The following NFASC variants were observed in gnomAD, a reference collection of about 807,000 sequenced individuals.
The protein encoded by NFASC is neurofascin, also known as neurofascin homolog.
Under a neutral mutation model 147.5 loss-of-function variants are expected in NFASC, and 43 were observed. The ratio of observed to expected loss-of-function variants is 0.29; its 90% confidence interval spans 0.23 to 0.38. The LOEUF is 0.38. Among genes scored for constraint, NFASC ranks in the 10% least tolerant of loss-of-function variants. NFASC has a pLI of 1.00. For missense variants in NFASC, 1,320 were observed against 1,689.0 expected (o/e 0.78, Z 3.83); for synonymous variants, 622 against 665.5 (o/e 0.93, Z 1.01).
At chr1:204,958,779 G>C (rs575052357) in intron 8 of NFASC, among the ~76,000 whole-genome samples, 64 of 152,300 alleles carry the variant, frequency 4.2e-4, no homozygotes, top group African/African-American at 5.8e-4. Flanking sequence ...AGTTTGCAAA[G>C]GTCAGAAAAA....
chr1:205,008,601 CT>C (rs199639043), intron 27 of NFASC: 2 of 151,536 alleles, frequency 1.3e-5, no homozygotes, highest in East Asian at 1.9e-4. Context: ...CACACCCCCC[CT>C]CCCAAACCCA....
intron 2 of NFASC, among the ~76,000 whole-genome samples, chr1:204,938,727 T>TAAAG (rs2093094667): frequency 6.6e-6 from 1 of 152,206 alleles, no homozygotes; most frequent in Non-Finnish European, 1.5e-5. Context: ...CTTGCAGATT[T>TAAAG]AAAGGCCTTG....
Position 204,987,650 on chromosome 1 carries a change from G to A in NFASC, c.2593+110G>A, listed in dbSNP as rs2095643463. The A allele has an allele frequency of 4.6e-5, 60 of 1,302,216 alleles. No individual in the cohort carries two copies. Among genetic ancestry groups the A allele is most frequent in the Non-Finnish European group, 6.5e-5 (60 of 920,974 alleles). 80.7% of individuals were successfully genotyped at this position (1,302,216 alleles called of 1,614,324 possible). On this transcript the variant is annotated intron_variant, in intron 22 of 29. Coordinates refer to ENST00000339876, the MANE Select transcript of NFASC (RefSeq NM_001005388.3). The surrounding 1 kb of genome is among the most constrained non-coding windows in gnomAD (Gnocchi z 4.4). ...AAAGCCTGTGGGTGCAGATGGCATT[G>A]TGGAGGGATGGAGGGGCCAACGAAA...
chr1:204,855,780 A>G (rs188866026), intron 1 of NFASC, among the ~76,000 whole-genome samples: 5 of 152,332 alleles, frequency 3.3e-5, no homozygotes, highest in Non-Finnish European at 5.9e-5. Flanking sequence ...TTTTAGACCC[A>G]GAATCCCTGC....
intron 2 of NFASC, among the ~76,000 whole-genome samples, chr1:204,940,343 C>T (rs760002195): frequency 1.3e-5 from 2 of 152,152 alleles, no homozygotes; most frequent in African/African-American, 2.4e-5. Context: ...ATCCCAGCTA[C>T]TTGGAAGGCT....
rs776251502 is a variant in NFASC, at chr1:204,975,325, C to T, written c.1613C>T (p.Thr538Met). ...GACCAGGTGGCCAGAAGGGGCACCA[C>T]GGTGCAGCTGGAGTGTCGGGTGAAG... ...PEDQVARRGT[T>M]VQLECRVKHD... The change falls in exon 15 of 30, where the codon ACG becomes ATG. Residue 538 changes from threonine (T) to methionine (M), a missense_variant. Around this residue, in one of 3 missense-constraint regions of NFASC, gnomAD observed 981 missense variants for 1,289.5 expected, o/e 0.76. Transcript: ENST00000339876. This position sits in a 1 kb window ranked among gnomAD's most constrained non-coding sequence, Gnocchi z 4.0. 3.5e-5 allele frequency: 56 copies of T among 1,613,886 alleles called. No homozygotes were observed. The highest frequency in any genetic ancestry group is 1.3e-5 in the African/African-American group (1 of 74,910).
Position 204,988,906 on chromosome 1 carries a change from A to C in NFASC, c.2767+100A>C, listed in dbSNP as rs902985594. 26 of 1,176,152 alleles carry C rather than the reference A, an allele frequency of 2.2e-5. No individual in the cohort carries two copies. In the African/African-American group the frequency reaches 3.0e-4, roughly 14 times the overall value. 72.9% of individuals were successfully genotyped at this position (1,176,152 alleles called of 1,614,324 possible). A position where few individuals can be genotyped will look rare whatever the true frequency, so the allele number is the denominator to read the frequency against. ...TAGCTGGCTGCCTGGGATGGAGAGG[A>C]AATGAGACTTGCAAGTCCTCAAGCC... On this transcript the variant is annotated intron_variant, in intron 23 of 29. Coordinates refer to ENST00000339876, the MANE Select transcript of NFASC (RefSeq NM_001005388.3).
intron 1 of NFASC, among the ~76,000 whole-genome samples, chr1:204,880,300 G>T (rs1401391929): frequency 2.0e-5 from 3 of 152,274 alleles, no homozygotes; most frequent in South Asian, 4.2e-4. Flanking sequence ...AAAAAGAAGT[G>T]TAGCAATTGG....
rs1487947949 is a variant in NFASC, at chr1:205,021,949, C to G, written c.*5410C>G. The stretch of plus-strand genomic sequence containing the variant: ...TGGTGTCTCTTGCTTTGTAACACAT[C>G]GGGCCTTCAGTGTGCTGTATTCCTC... On this transcript the variant is annotated 3_prime_UTR_variant, in exon 30 of 30. Coordinates refer to ENST00000339876, the MANE Select transcript of NFASC (RefSeq NM_001005388.3). 1 of 152,660 alleles carries G rather than the reference C, an allele frequency of 6.6e-6. No individual in the cohort carries two copies. The highest frequency in any genetic ancestry group is 6.5e-5 in the Admixed American group (1 of 15,276). The allele number at this position is 152,660 out of a possible 1,614,324, so 9.5% of individuals were successfully genotyped here.
chr1:205,003,333 G>T (rs535496398), intron 27 of NFASC, among the ~76,000 whole-genome samples: 1 of 152,346 alleles, frequency 6.6e-6, no homozygotes, highest in South Asian at 2.1e-4. Context: ...CATGCAGGGA[G>T]AGGGGAAGAA....
chr1:205,014,067 G>C (rs944877588), intron 29 of NFASC, among the ~76,000 whole-genome samples: 3 of 152,188 alleles, frequency 2.0e-5, no homozygotes, highest in Non-Finnish European at 4.4e-5. Flanking sequence ...TGTTCCAAAA[G>C]CCACAGGGCT....
At chr1:204,953,396 A>G (rs1490736204) in intron 5 of NFASC, among the ~76,000 whole-genome samples, 5 of 152,128 alleles carry the variant, frequency 3.3e-5, no homozygotes, top group Non-Finnish European at 7.4e-5. Flanking sequence ...TCCCGGGTTC[A>G]TGCCATTCTC....
At chr1:204,911,311 A>G (rs922530103) in intron 1 of NFASC, among the ~76,000 whole-genome samples, 1 of 152,190 alleles carries the variant, frequency 6.6e-6, no homozygotes, top group Non-Finnish European at 1.5e-5. Context: ...ATGGCGTATA[A>G]TTCTTTTTAT....
At chr1:204,904,506 A>G (rs1050090237) in intron 1 of NFASC, among the ~76,000 whole-genome samples, 16 of 152,170 alleles carry the variant, frequency 1.1e-4, no homozygotes, top group Non-Finnish European at 2.2e-4. Context: ...TCTGTTCTTA[A>G]CTTTCCCTCA....
In NFASC at chr1:205,012,877, TC is replaced by T; in HGVS notation, c.3491+14del. 6.3e-7 allele frequency: 1 copy of T among 1,598,818 alleles called. No homozygotes were observed. Among genetic ancestry groups the T allele is most frequent in the Non-Finnish European group, 8.6e-7 (1 of 1,166,126 alleles). ...CTCATTTGACTATAGGTGCGTGATC[TC>T]CCTCCTCCTCTCTCAGGCAGGCTGT... On this transcript the variant is annotated intron_variant, in intron 29 of 29. Coordinates refer to ENST00000339876, the MANE Select transcript of NFASC (RefSeq NM_001005388.3).
chr1:204,829,355 C>T (rs1341225860), intron 1 of NFASC, among the ~76,000 whole-genome samples: 1 of 151,640 alleles, frequency 6.6e-6, no homozygotes, highest in African/African-American at 2.4e-5. Context: ...CATCACAGTC[C>T]CTCTCAAGAA....
At chr1:205,009,436 G>T (rs771204844) in intron 27 of NFASC, 121 bp from the exon 28 acceptor site, 6 of 1,058,172 alleles carry the variant, frequency 5.7e-6, no homozygotes, top group South Asian at 2.5e-5. Flanking sequence ...CTGCTAGGTG[G>T]TAGTGTTAGG....
chr1:204,885,177 A>C (rs1179228576), intron 1 of NFASC, among the ~76,000 whole-genome samples: 4 of 152,198 alleles, frequency 2.6e-5, no homozygotes, highest in Non-Finnish European at 4.4e-5. Context: ...CCTTTTGAGG[A>C]GCCCAGGGTG....
chr1:205,006,482 G>A (rs2096115092), intron 27 of NFASC, among the ~76,000 whole-genome samples: 1 of 152,190 alleles, frequency 6.6e-6, no homozygotes, highest in South Asian at 2.1e-4. Flanking sequence ...AGGTGGCAGT[G>A]AGCTAGGAGG....
Sources: gnomAD v4.1 joint callset for allele counts (sites outside exome capture counted in the v4.1 genomes callset) on GRCh38, gnomAD v4.1.1 for gene constraint, gnomAD v4.1.1 regional missense constraint, Gnocchi (gnomAD v3.1) non-coding constraint, MANE v1.5 for transcripts, NCBI Gene and HGNC (gene_info 2026-07-23, HGNC 2026-07-21) for gene names.